The following DPH6 variants were observed in gnomAD, a reference collection of about 807,000 sequenced individuals.
DPH6 encodes diphthine--ammonia ligase.
Under a neutral mutation model 38.2 loss-of-function variants are expected in DPH6, and 33 were observed. The observed-to-expected ratio is 0.86, with a 90% confidence interval of 0.65 to 1.15. DPH6 has a LOEUF of 1.15. Among genes scored for constraint, DPH6 ranks in the 50% most tolerant of loss-of-function variants. DPH6 has a pLI of 0.00. For synonymous variants in DPH6, 108 were observed against 103.0 expected (o/e 1.05, Z -0.30); for missense variants, 325 against 320.0 (o/e 1.02, Z -0.12).
the DPH6 span, among the ~76,000 whole-genome samples, chr15:35,202,622 T>C: frequency 6.6e-6 from 1 of 151,842 alleles, no homozygotes; most frequent in Non-Finnish European, 1.5e-5. Flanking sequence ...AGTCACTGGA[T>C]ATGTTTTAGC....
At chr15:35,303,059 A>G (rs1332818359) in intron 3 of DPH6, among the ~76,000 whole-genome samples, 2 of 152,096 alleles carry the variant, frequency 1.3e-5, no homozygotes, top group Admixed American at 1.3e-4. Flanking sequence ...CAAAGGGTTG[A>G]GTTTCCTTCT....
At chr15:35,319,753 A>T (rs1347339834) in intron 3 of DPH6, among the ~76,000 whole-genome samples, 1 of 151,744 alleles carries the variant, frequency 6.6e-6, no homozygotes, top group African/African-American at 2.4e-5. Flanking sequence ...AAATATATGT[A>T]TTTCTTACAT....
At chr15:35,194,333 G>A in the DPH6 span, among the ~76,000 whole-genome samples, 1 of 150,330 alleles carries the variant, frequency 6.7e-6, no homozygotes, top group African/African-American at 2.5e-5. Flanking sequence ...ATGAATACAG[G>A]GAGACCTGAA....
At chr15:35,291,392 T>C (rs1424907070) in intron 3 of DPH6, among the ~76,000 whole-genome samples, 1 of 152,098 alleles carries the variant, frequency 6.6e-6, no homozygotes, top group Non-Finnish European at 1.5e-5. Flanking sequence ...ATAAATTACT[T>C]GGGATTATAC....
At chr15:35,197,545 G>A in the DPH6 span, among the ~76,000 whole-genome samples, 1 of 152,172 alleles carries the variant, frequency 6.6e-6, no homozygotes, top group East Asian at 1.9e-4. Flanking sequence ...CTTTTGTAAA[G>A]TGCAACTAGA....
intron 3 of DPH6, among the ~76,000 whole-genome samples, chr15:35,364,984 T>G (rs139296397): frequency 7.9e-5 from 12 of 152,226 alleles, no homozygotes; most frequent in Non-Finnish European, 1.8e-4. Flanking sequence ...CATGTTTCAT[T>G]CTGAATATTT....
chr15:35,330,069 T>C (rs1333309026), downstream of DPH6, among the ~76,000 whole-genome samples: 2 of 152,198 alleles, frequency 1.3e-5, no homozygotes, highest in Non-Finnish European at 2.9e-5. Context: ...AAACACTATG[T>C]TTTAATGACA....
chr15:35,416,032 A>T (rs1191608619), intron 5 of DPH6, among the ~76,000 whole-genome samples: 2 of 152,000 alleles, frequency 1.3e-5, no homozygotes, highest in Non-Finnish European at 2.9e-5. Flanking sequence ...CATGGGCCTG[A>T]TGTTTTAGAC....
chr15:35,227,906 T>C (rs992297045), intron 3 of DPH6, among the ~76,000 whole-genome samples: 10 of 152,196 alleles, frequency 6.6e-5, no homozygotes, highest in African/African-American at 2.2e-4. Flanking sequence ...GAGCATATTG[T>C]TTAATTTTCA....
intron 3 of DPH6, among the ~76,000 whole-genome samples, chr15:35,323,461 T>A (rs2052257484): frequency 1.3e-5 from 2 of 152,192 alleles, no homozygotes; most frequent in Non-Finnish European, 2.9e-5. Context: ...CAGGATGTCA[T>A]CAAACTTCAA....
chr15:35,419,365 A>G lies in DPH6; in HGVS notation c.506-8469T>C, dbSNP rs575567963. On this transcript the variant is annotated intron_variant, in intron 5 of 8. Coordinates refer to ENST00000256538, the MANE Select transcript of DPH6 (RefSeq NM_080650.4). ...CTATCTCAGGAAGGACCTTATTTCA[A>G]GTTTTCAGATTTTCCATTTCTACAG... Among the ~76,000 whole-genome samples the G allele has an allele frequency of 5.3e-5, 8 of 152,234 alleles. No individual in the cohort carries two copies. The South Asian group carries it at 8.3e-4, about 16-fold the overall frequency.
At chr15:35,501,991 G>A (rs2054633805) in intron 3 of DPH6, among the ~76,000 whole-genome samples, 2 of 152,088 alleles carry the variant, frequency 1.3e-5, no homozygotes, top group African/African-American at 4.8e-5. Context: ...TGTGATAAAT[G>A]ACCTAGAATT....
At chr15:35,400,062 C>T (rs527313976) in intron 6 of DPH6, among the ~76,000 whole-genome samples, 2 of 152,256 alleles carry the variant, frequency 1.3e-5, no homozygotes, top group East Asian at 1.9e-4. Flanking sequence ...AGTCAGAAGG[C>T]TCTGGAAAAG....
downstream of DPH6, among the ~76,000 whole-genome samples, chr15:35,367,882 A>G (rs2052674544): frequency 6.6e-6 from 1 of 151,888 alleles, no homozygotes; most frequent in South Asian, 2.1e-4. Context: ...AATAGAACTC[A>G]TTAAATGGCA....
chr15:35,522,508 A>T (rs747402180), intron 3 of DPH6, among the ~76,000 whole-genome samples: 15 of 152,102 alleles, frequency 9.9e-5, no homozygotes, highest in Non-Finnish European at 1.5e-4. Context: ...AATTAAGTAA[A>T]ATAAAATAAA....
chr15:35,386,446 T>A (rs2052959224), intron 6 of DPH6, among the ~76,000 whole-genome samples: 1 of 152,214 alleles, frequency 6.6e-6, no homozygotes, highest in Admixed American at 6.5e-5. Flanking sequence ...ATGGTTGAAC[T>A]AGTTTACAGT....
At chr15:35,267,671 T>C (rs1595453695) in intron 3 of DPH6, among the ~76,000 whole-genome samples, 1 of 152,350 alleles carries the variant, frequency 6.6e-6, no homozygotes, top group Non-Finnish European at 1.5e-5. Context: ...TCAGACACCT[T>C]GTTAATGTTA....
the DPH6 span, among the ~76,000 whole-genome samples, chr15:35,209,050 T>C: frequency 1.3e-5 from 2 of 152,176 alleles, no homozygotes; most frequent in Non-Finnish European, 2.9e-5. Flanking sequence ...ATAGTTTTCA[T>C]GCTACTGTGC....
chr15:35,408,416 CAAAAAATGATGGATATCAAGGCT>C (rs1011147616), intron 6 of DPH6, among the ~76,000 whole-genome samples: 4 of 151,796 alleles, frequency 2.6e-5, no homozygotes, highest in African/African-American at 4.8e-5. Context: ...AAGAGAATGG[CAAAAAATGATGGATATCAAGGCT>C]ACCATCGAGT....
Sources: gnomAD v4.1 joint callset for allele counts (sites outside exome capture counted in the v4.1 genomes callset) on GRCh38, gnomAD v4.1.1 for gene constraint, MANE v1.5 for transcripts, NCBI Gene and HGNC (gene_info 2026-07-23, HGNC 2026-07-21) for gene names.